Variants in PRKAR1A observed in about 807,000 individuals in gnomAD.
PRKAR1A encodes cAMP-dependent protein kinase type I-alpha regulatory subunit.
PRKAR1A carries 3 observed loss-of-function variants against 52.0 expected under a neutral mutation model. The ratio of observed to expected loss-of-function variants is 0.06; its 90% confidence interval spans 0.03 to 0.15. The LOEUF is 0.15. PRKAR1A is among the 10% of genes least tolerant of loss of function. The pLI, the probability that PRKAR1A is intolerant of heterozygous loss-of-function variation, is 1.00. For synonymous variants in PRKAR1A, 188 were observed against 168.4 expected, an observed-to-expected ratio of 1.12 and a Z score of -0.90; for missense variants, 240 against 477.4, an observed-to-expected ratio of 0.50 and a Z score of 4.63.
At chr17:68,536,517 T>C, downstream of PRKAR1A, 1 of 454,120 alleles carries the variant, frequency 2.2e-6, no homozygotes, top group Non-Finnish European at 4.4e-6. Flanking sequence ...TTAGTCTTTT[T>C]TGAGCCAGCC....
At chr17:68,466,085 A>G in the PRKAR1A span, among the ~76,000 whole-genome samples, 1 of 152,056 alleles carries the variant, frequency 6.6e-6, no homozygotes, top group Non-Finnish European at 1.5e-5. Context: ...TCTGCGTGCA[A>G]ATGGGCCTGT....
the PRKAR1A span, among the ~76,000 whole-genome samples, chr17:68,488,713 G>A: frequency 1.4e-5 from 2 of 139,964 alleles, no homozygotes; most frequent in African/African-American, 2.7e-5. Context: ...CAGGGCAACA[G>A]AGTGAGACTC....
the PRKAR1A span, among the ~76,000 whole-genome samples, chr17:68,441,739 C>T: frequency 2.6e-5 from 4 of 152,180 alleles, no homozygotes; most frequent in South Asian, 2.1e-4. Context: ...TAACGCTCTC[C>T]GTGGCAACTC....
the PRKAR1A span, among the ~76,000 whole-genome samples, chr17:68,501,953 C>T: frequency 1.3e-5 from 2 of 152,332 alleles, no homozygotes. Flanking sequence ...CCTGTCTCCT[C>T]CTTATCCTTC....
rs1358389236 is a variant in PRKAR1A at position 68,531,493 on chromosome 17, G to A, written c.*1044G>A. The A allele has an allele frequency of 3.9e-5, 42 of 1,066,100 alleles. No homozygotes were observed. Among genetic ancestry groups the A allele is most frequent in the African/African-American group, 6.5e-5 (4 of 61,102 alleles). 66.0% of individuals were successfully genotyped at this position (1,066,100 alleles called of 1,614,324 possible). A position where few individuals can be genotyped will look rare whatever the true frequency, so the allele number is the denominator to read the frequency against. On this transcript the variant is annotated 3_prime_UTR_variant, in exon 11 of 11. Coordinates refer to ENST00000589228, the MANE Select transcript of PRKAR1A (RefSeq NM_002734.5). ...TGCCAGGCGGACAAAGTTCAGTGTC[G>A]GGAATTTTCCCCGTGACATTCACTG...
At chr17:68,492,870 C>T in the PRKAR1A span, among the ~76,000 whole-genome samples, 4 of 152,134 alleles carry the variant, frequency 2.6e-5, no homozygotes, top group Non-Finnish European at 5.9e-5. Flanking sequence ...GCATAATATT[C>T]CATGATGTAT....
chr17:68,414,555 G>A, the PRKAR1A span, among the ~76,000 whole-genome samples: 13 of 152,264 alleles, frequency 8.5e-5, no homozygotes, highest in South Asian at 2.7e-3. Flanking sequence ...GAATGAATTA[G>A]GGAGGGTTCC....
At chr17:68,537,705 C>A (rs191443147), downstream of PRKAR1A, 110 of 1,613,508 alleles carry the variant, frequency 6.8e-5, no homozygotes, top group East Asian at 1.9e-3. This position sits in a 1 kb window ranked among gnomAD's most constrained non-coding sequence, Gnocchi z 4.2. Context: ...CAGCTTGGGC[C>A]AGCAGCTGCA....
the PRKAR1A span, among the ~76,000 whole-genome samples, chr17:68,443,022 T>C: frequency 2.6e-5 from 4 of 152,242 alleles, no homozygotes; most frequent in Admixed American, 2.6e-4. Context: ...CCGTCTTCCA[T>C]TTCAGAAAAT....
chr17:68,423,653 G>A, the PRKAR1A span, among the ~76,000 whole-genome samples: 1 of 152,140 alleles, frequency 6.6e-6, no homozygotes, highest in Non-Finnish European at 1.5e-5. The surrounding 1 kb of genome is among the most constrained non-coding windows in gnomAD (Gnocchi z 4.4). Context: ...ACTGGCTCAT[G>A]CCCAGCTTCC....
the PRKAR1A span, among the ~76,000 whole-genome samples, chr17:68,425,324 G>A: frequency 2.6e-5 from 4 of 151,892 alleles, no homozygotes; most frequent in Non-Finnish European, 5.9e-5. Context: ...CCATCTCAGC[G>A]TCCCGAATAG....
upstream of PRKAR1A, among the ~76,000 whole-genome samples, chr17:68,507,011 A>G (rs1371199416): frequency 3.3e-5 from 5 of 152,190 alleles, no homozygotes; most frequent in African/African-American, 7.2e-5. Flanking sequence ...GAGAAAGCCC[A>G]TTGTTTTCAT....
In PRKAR1A at chr17:68,525,746, C is replaced by T. The variant is rs375936679; in HGVS notation, c.550-8C>T. ...AAATAAACTTTTTTGATGTCACTTGCACTTTAGGTCTATGTTAACAATGAA... is the reference window on the plus strand; with the variant it reads ...AAATAAACTTTTTTGATGTCACTTGTACTTTAGGTCTATGTTAACAATGAA... On this transcript the variant is annotated splice_polypyrimidine_tract_variant and splice_region_variant and intron_variant, in intron 6 of 10. Transcript: ENST00000589228. 5.6e-5 allele frequency: 90 copies of T among 1,613,522 alleles called. No homozygotes were observed. The African/African-American group carries it at 1.0e-3, about 18-fold the overall frequency.
the PRKAR1A span, among the ~76,000 whole-genome samples, chr17:68,460,129 A>AT: frequency 6.6e-6 from 1 of 151,402 alleles, no homozygotes; most frequent in Non-Finnish European, 1.5e-5. Flanking sequence ...TCAGATTTTA[A>AT]TTTTTTTTTA....
the PRKAR1A span, among the ~76,000 whole-genome samples, chr17:68,505,778 C>T: frequency 6.6e-6 from 1 of 152,172 alleles, no homozygotes; most frequent in African/African-American, 2.4e-5. Flanking sequence ...TGAGATTGTG[C>T]CACTGCACTC....
chr17:68,414,309 G>A, the PRKAR1A span: 2 of 152,116 alleles, frequency 1.3e-5, no homozygotes, highest in African/African-American at 2.4e-5. Context: ...TTTATGTGGT[G>A]TATCACATTT....
downstream of PRKAR1A, chr17:68,535,700 C>G: frequency 2.2e-6 from 1 of 446,732 alleles, no homozygotes; most frequent in Non-Finnish European, 4.4e-6. Flanking sequence ...TTTGTAGAGA[C>G]AGGGTTTTGT....
intron 1 of PRKAR1A, chr17:68,515,186 G>T: frequency 1.7e-6 from 1 of 592,072 alleles, no homozygotes; most frequent in Non-Finnish European, 3.0e-6. Flanking sequence ...ACAGAGCACA[G>T]ATCCTGAACT....
At chr17:68,491,645 A>G in the PRKAR1A span, among the ~76,000 whole-genome samples, 1 of 152,214 alleles carries the variant, frequency 6.6e-6, no homozygotes, top group East Asian at 1.9e-4. Flanking sequence ...GCTTGCAAAA[A>G]GAGCAGACCT....
Sources: allele counts gnomAD v4.1 joint callset (sites outside exome capture counted in the v4.1 genomes callset), GRCh38; gene constraint gnomAD v4.1.1; non-coding constraint Gnocchi (gnomAD v3.1); transcripts MANE v1.5; gene names NCBI Gene and HGNC (gene_info 2026-07-23, HGNC 2026-07-21).